Variants in RUNX1T1 observed in about 807,000 individuals in gnomAD.
RUNX1T1 encodes the protein RUNX1 partner transcriptional co-repressor 1, also known as protein CBFA2T1.
RUNX1T1 carries 4 observed loss-of-function variants against 62.8 expected under a neutral mutation model. The observed-to-expected ratio is 0.06, with a 90% CI of 0.03 to 0.15. The LOEUF (loss-of-function observed/expected upper bound fraction) is 0.15, where lower values mean the gene tolerates loss of function less well. Among genes scored for constraint, RUNX1T1 ranks in the 10% least tolerant of loss-of-function variants. The pLI, the probability that RUNX1T1 is intolerant of heterozygous loss-of-function variation, is 1.00. For synonymous variants in RUNX1T1, 291 were observed against 286.0 expected, an observed-to-expected ratio of 1.02 and a Z score of -0.18; for missense variants, 508 against 754.3, an observed-to-expected ratio of 0.67 and a Z score of 3.82.
At chr8:91,980,262 C>G (rs772072978) in intron 8 of RUNX1T1, among the ~76,000 whole-genome samples, 5 of 152,154 alleles carry the variant, frequency 3.3e-5, no homozygotes, top group Non-Finnish European at 5.9e-5. Context: ...ATTATGAAGT[C>G]AGCTGAATGA....
At chr8:92,102,894 G>C (rs763911320), upstream of RUNX1T1, 4 of 1,518,148 alleles carry the variant, frequency 2.6e-6, no homozygotes, top group Admixed American at 4.2e-5. This position sits in a 1 kb window ranked among gnomAD's most constrained non-coding sequence, Gnocchi z 4.5. Flanking sequence ...TCCGCCACAG[G>C]CTCCGAGCTG....
At chr8:92,085,431 C>G (rs1199183758) in intron 1 of RUNX1T1, among the ~76,000 whole-genome samples, 1 of 152,220 alleles carries the variant, frequency 6.6e-6, no homozygotes, top group Non-Finnish European at 1.5e-5. Context: ...CAGCATTCTA[C>G]AGACATTCTT....
chr8:92,030,337 A>T (rs1179891669), intron 1 of RUNX1T1, among the ~76,000 whole-genome samples: 1 of 152,178 alleles, frequency 6.6e-6, no homozygotes, highest in African/African-American at 2.4e-5. Context: ...ATGGGGACAT[A>T]TCAATTCTTA....
upstream of RUNX1T1, among the ~76,000 whole-genome samples, chr8:92,066,521 G>A (rs1316735146): frequency 6.6e-6 from 1 of 152,188 alleles, no homozygotes; most frequent in African/African-American, 2.4e-5. Flanking sequence ...CCACTGATAA[G>A]GCAAACCTAC....
intron 6 of RUNX1T1, among the ~76,000 whole-genome samples, chr8:91,988,115 G>A (rs1816935388): frequency 6.6e-6 from 1 of 152,018 alleles, no homozygotes. Context: ...CTTTTTGTGA[G>A]ATTTAAGTGG....
exon 2 of RUNX1T1, chr8:92,017,247 T>C (rs1823197222): frequency 6.2e-7 from 1 of 1,613,266 alleles, no homozygotes; most frequent in Middle Eastern, 1.7e-4. Context: ...GTAAATGAAC[T>C]GGTTCTTGGA....
chr8:92,062,675 G>T (rs779856584), exon 1 of RUNX1T1: 3 of 1,612,938 alleles, frequency 1.9e-6, no homozygotes, highest in Admixed American at 1.7e-5. Context: ...GGGCTGGGGC[G>T]GCATCGCCGG....
At chr8:92,097,285 G>T (rs1837824253) in intron 1 of RUNX1T1, among the ~76,000 whole-genome samples, 1 of 152,240 alleles carries the variant, frequency 6.6e-6, no homozygotes, top group East Asian at 1.9e-4. Context: ...CACTTGGCTG[G>T]CTACATTACA....
chr8:92,063,562 T>A (rs1205016012), upstream of RUNX1T1: 1 of 152,196 alleles, frequency 6.6e-6, no homozygotes, highest in Non-Finnish European at 1.5e-5. Flanking sequence ...ATGGACACCA[T>A]GATATATAAA....
intron 2 of RUNX1T1, among the ~76,000 whole-genome samples, chr8:92,073,644 C>G (rs1834003700): frequency 6.6e-6 from 1 of 152,034 alleles, no homozygotes; most frequent in Admixed American, 6.6e-5. Flanking sequence ...TTTCTATACA[C>G]CTAATATTAT....
At chr8:92,005,287 G>T in exon 5 of RUNX1T1, 1 of 1,611,288 alleles carries the variant, frequency 6.2e-7, no homozygotes, top group Non-Finnish European at 8.5e-7. Flanking sequence ...CTGCAGCAGG[G>T]GCAAGTTGGC....
At chr8:92,028,407 T>A (rs1825661018) in intron 1 of RUNX1T1, among the ~76,000 whole-genome samples, 1 of 152,076 alleles carries the variant, frequency 6.6e-6, no homozygotes, top group South Asian at 2.1e-4. Flanking sequence ...ATGTCATCCC[T>A]CCCACAGCTG....
At chr8:91,971,550 TG>T (rs1392780034) in intron 9 of RUNX1T1, among the ~76,000 whole-genome samples, 1 of 152,238 alleles carries the variant, frequency 6.6e-6, no homozygotes, top group Non-Finnish European at 1.5e-5. Flanking sequence ...AATGCTATAA[TG>T]GATGATCCAG....
In RUNX1T1 at chr8:92,075,075, GAT is replaced by G. The variant is rs1474896088; in HGVS notation, c.88+888_88+889del. Among the ~76,000 whole-genome samples the G allele has an allele frequency of 4.6e-5, 7 of 152,332 alleles. No homozygotes were observed. In the South Asian group the frequency reaches 6.2e-4, roughly 14 times the overall value. On this transcript the variant is annotated intron_variant, in intron 2 of 11. Transcript: ENST00000265814. ...ACATTGTGGGGTGGATGCTAGCAGT[GAT>G]GTTTCCAGAACAGTGGTCACCAAGG...
chr8:91,965,420 T>G (rs1586707141), intron 10 of RUNX1T1, among the ~76,000 whole-genome samples: 1 of 152,124 alleles, frequency 6.6e-6, no homozygotes. Context: ...TAGTTGACAG[T>G]GAGGGAGGGA....
chr8:92,065,553 C>T (rs142590632), upstream of RUNX1T1, among the ~76,000 whole-genome samples: 496 of 152,270 alleles, frequency 3.3e-3, 4 homozygotes, highest in African/African-American at 0.012. Flanking sequence ...ATGCTGGGCT[C>T]CCACAAAAGC....
intron 1 of RUNX1T1, among the ~76,000 whole-genome samples, chr8:92,033,621 C>A (rs1028368775): frequency 2.0e-5 from 3 of 152,166 alleles, no homozygotes; most frequent in African/African-American, 7.2e-5. Flanking sequence ...CCTGTCTCAG[C>A]CTCCCAAGTA....
chr8:92,066,845 T>C (rs180846871), upstream of RUNX1T1, among the ~76,000 whole-genome samples: 327 of 152,322 alleles, frequency 2.1e-3, 1 homozygote, highest in Non-Finnish European at 3.1e-3. Flanking sequence ...AAAAACTAAG[T>C]GAAAAAGTTC....
chr8:91,995,657 T>C lies in RUNX1T1; in HGVS notation c.660-3768A>G, dbSNP rs778170908. Among the ~76,000 whole-genome samples the C allele has an allele frequency of 1.6e-4, 25 of 152,044 alleles. 1 individual carries two copies. In the Middle Eastern group the frequency reaches 0.017, roughly 103 times the overall value. ...AAAAAGTTGGCTGGACATGGTGACA[T>C]ACACCCATAGTTCTAACTACTCCAG... On this transcript the variant is annotated intron_variant, in intron 5 of 10. Coordinates refer to ENST00000396218, the Ensembl canonical transcript of RUNX1T1.
Sources: gnomAD v4.1 joint callset for allele counts (sites outside exome capture counted in the v4.1 genomes callset) on GRCh38, gnomAD v4.1.1 for gene constraint, Gnocchi (gnomAD v3.1) non-coding constraint, MANE v1.5 for transcripts, NCBI Gene and HGNC (gene_info 2026-07-23, HGNC 2026-07-21) for gene names.